The following APP variants were observed in gnomAD, a reference collection of about 807,000 sequenced individuals.
APP encodes the protein amyloid-beta precursor protein.
APP carries 31 observed loss-of-function variants against 101.4 expected under a neutral mutation model. The observed-to-expected ratio is 0.31, with a 90% CI of 0.23 to 0.41. The LOEUF (loss-of-function observed/expected upper bound fraction) is 0.41. Among genes scored for constraint, APP ranks in the 10% least tolerant of loss-of-function variants. The pLI is 1.00. For synonymous variants in APP, 366 were observed against 364.4 expected (o/e 1.00, Z -0.05); for missense variants, 839 against 1,003.7 (o/e 0.84, Z 2.22).
intron 3 of APP, among the ~76,000 whole-genome samples, chr21:26,070,285 T>C (rs959985376): frequency 6.6e-6 from 1 of 152,218 alleles, no homozygotes; most frequent in African/African-American, 2.4e-5. Flanking sequence ...AAATCACCAC[T>C]TAGATTTGTA....
chr21:26,094,772 T>G (rs954599642), intron 2 of APP, among the ~76,000 whole-genome samples: 1 of 151,632 alleles, frequency 6.6e-6, no homozygotes, highest in African/African-American at 2.4e-5. Context: ...GGTTTTGCTT[T>G]CCATAGTTTC....
At chr21:26,145,093 T>C (rs537246401) in intron 1 of APP, among the ~76,000 whole-genome samples, 1 of 152,270 alleles carries the variant, frequency 6.6e-6, no homozygotes, top group Non-Finnish European at 1.5e-5. Flanking sequence ...TTAGAGATGT[T>C]TTACGTGGAA....
chr21:26,026,707 G>A (rs765650696), intron 5 of APP, among the ~76,000 whole-genome samples: 7 of 152,200 alleles, frequency 4.6e-5, no homozygotes, highest in African/African-American at 9.6e-5. Context: ...AGAGAGGGTC[G>A]AACAGGAGGA....
rs141624840 is a variant in APP at position 26,134,151 on chromosome 21, A to G, written c.58-22005T>C. 6.5e-4 allele frequency among the ~76,000 whole-genome samples: 99 copies of G among 152,278 alleles called. 1 individual carries two copies. The highest frequency in any genetic ancestry group is 2.3e-3 in the African/African-American group (95 of 41,558). ...CAGGTGCACACCACCACTCCCAGCT[A>G]TATTTGTAGAGATGAGGTCTCCCTA... On this transcript the variant is annotated intron_variant, in intron 1 of 17. Transcript: ENST00000346798.
At chr21:26,002,945 A>C (rs2043360482) in intron 6 of APP, among the ~76,000 whole-genome samples, 1 of 152,218 alleles carries the variant, frequency 6.6e-6, no homozygotes, top group African/African-American at 2.4e-5. Flanking sequence ...TAATGGGATA[A>C]AAGAATGATG....
chr21:26,067,107 T>A (rs138545594), intron 3 of APP, among the ~76,000 whole-genome samples: 1 of 152,094 alleles, frequency 6.6e-6, no homozygotes, highest in East Asian at 1.9e-4. Context: ...AGGCCACATA[T>A]CTAATTTAAA....
intron 11 of APP, among the ~76,000 whole-genome samples, chr21:25,973,707 C>T (rs1312904973): frequency 6.6e-6 from 1 of 151,974 alleles, no homozygotes; most frequent in East Asian, 1.9e-4. Context: ...CTGTGGGAGG[C>T]CGAGGTGGGT....
chr21:26,011,676 C>G (rs563850120), intron 6 of APP, among the ~76,000 whole-genome samples: 24 of 152,214 alleles, frequency 1.6e-4, no homozygotes, highest in African/African-American at 5.5e-4. Context: ...TAACTTTGCC[C>G]ACCAAGACTA....
chr21:26,046,678 T>C (rs1486347445), intron 5 of APP, among the ~76,000 whole-genome samples: 1 of 152,186 alleles, frequency 6.6e-6, no homozygotes, highest in Admixed American at 6.5e-5. Flanking sequence ...AAAAAAAATG[T>C]GAGTACCTCC....
chr21:26,154,042 C>G (rs2063328165), intron 1 of APP, among the ~76,000 whole-genome samples: 1 of 152,186 alleles, frequency 6.6e-6, no homozygotes, highest in Admixed American at 6.5e-5. Context: ...CCATGTCAGG[C>G]AGTAAGCTTT....
chr21:25,965,998 AG>A (rs1222468063), intron 11 of APP, among the ~76,000 whole-genome samples: 1 of 152,180 alleles, frequency 6.6e-6, no homozygotes, highest in African/African-American at 2.4e-5. Flanking sequence ...TCCACTGTGG[AG>A]GGAATCTGGG....
chr21:26,123,271 T>A (rs2146246071), intron 1 of APP, among the ~76,000 whole-genome samples: 1 of 152,348 alleles, frequency 6.6e-6, no homozygotes, highest in East Asian at 1.9e-4. Context: ...CTGTTGTGGT[T>A]TTATTACTAG....
intron 1 of APP, among the ~76,000 whole-genome samples, chr21:26,161,988 C>A (rs923004368): frequency 2.6e-5 from 4 of 151,980 alleles, no homozygotes; most frequent in Admixed American, 2.0e-4. Flanking sequence ...ATTCTATGAG[C>A]CTATCAATTC....
intron 5 of APP, among the ~76,000 whole-genome samples, chr21:26,032,006 G>A (rs1048277958): frequency 2.0e-5 from 3 of 152,202 alleles, no homozygotes; most frequent in African/African-American, 7.2e-5. Flanking sequence ...GGCCTCCCTT[G>A]CCTCTGTGCT....
intron 5 of APP, among the ~76,000 whole-genome samples, chr21:26,042,448 C>T (rs2045414617): frequency 6.6e-6 from 1 of 152,168 alleles, no homozygotes; most frequent in Non-Finnish European, 1.5e-5. Context: ...TTGTGAAATG[C>T]ACCATCTATA....
chr21:25,966,870 AATTT>A (rs932123235), intron 11 of APP, among the ~76,000 whole-genome samples: 1 of 152,030 alleles, frequency 6.6e-6, no homozygotes, highest in African/African-American at 2.4e-5. Flanking sequence ...AGTGGCGAAA[AATTT>A]ATTTATGAGG....
chr21:26,074,888 G>A (rs1045752148), intron 3 of APP, among the ~76,000 whole-genome samples: 13 of 152,170 alleles, frequency 8.5e-5, no homozygotes, highest in Non-Finnish European at 1.5e-4. Flanking sequence ...GTGTAGGATA[G>A]GTTTAACCCT....
intron 1 of APP, among the ~76,000 whole-genome samples, chr21:26,153,610 A>C (rs2063321603): frequency 6.6e-6 from 1 of 152,174 alleles, no homozygotes; most frequent in Non-Finnish European, 1.5e-5. Flanking sequence ...CATGCCAGCC[A>C]ATATCCTTGT....
At chr21:26,127,466 T>G (rs1366159305) in intron 1 of APP, among the ~76,000 whole-genome samples, 1 of 152,200 alleles carries the variant, frequency 6.6e-6, no homozygotes, top group Non-Finnish European at 1.5e-5. Flanking sequence ...AAAAGCCCTA[T>G]GAAAATATAT....
Sources: gnomAD v4.1 joint callset for allele counts (sites outside exome capture counted in the v4.1 genomes callset) on GRCh38, gnomAD v4.1.1 for gene constraint, MANE v1.5 for transcripts, NCBI Gene and HGNC (gene_info 2026-07-23, HGNC 2026-07-21) for gene names.